The following EXOC6B variants were observed in gnomAD, a reference collection of about 807,000 sequenced individuals.
EXOC6B encodes SEC15 homolog B.
In EXOC6B, 54 loss-of-function variants were observed where a neutral mutation model predicts 113.5. That is an observed-to-expected ratio of 0.48 (90% CI 0.38 to 0.60). The LOEUF (loss-of-function observed/expected upper bound fraction) is 0.60, where lower values mean the gene tolerates loss of function less well. EXOC6B is among the 20% of genes least tolerant of loss of function. EXOC6B has a pLI of 0.00. For synonymous variants in EXOC6B, 357 were observed against 339.0 expected (o/e 1.05, Z -0.58); for missense variants, 797 against 977.5 (o/e 0.82, Z 2.46).
At chr2:72,464,935 G>T (rs1697944308) in intron 18 of EXOC6B, 1 of 564,348 alleles carries the variant, frequency 1.8e-6, no homozygotes, top group African/African-American at 1.9e-5. Flanking sequence ...AAGATAAGCA[G>T]ACATAATACC....
At chr2:72,545,431 T>C (rs187647118) in intron 8 of EXOC6B, among the ~76,000 whole-genome samples, 14 of 152,298 alleles carry the variant, frequency 9.2e-5, no homozygotes, top group African/African-American at 3.4e-4. Flanking sequence ...TTCCAATTCT[T>C]AACACTAAAT....
intron 20 of EXOC6B, among the ~76,000 whole-genome samples, chr2:72,208,994 A>T (rs1680000313): frequency 6.6e-6 from 1 of 151,934 alleles, no homozygotes; most frequent in Non-Finnish European, 1.5e-5. Context: ...GAAGCTGAGG[A>T]GGGTGGATCA....
At chr2:72,545,925 T>C (rs1414884704) in intron 8 of EXOC6B, among the ~76,000 whole-genome samples, 1 of 152,206 alleles carries the variant, frequency 6.6e-6, no homozygotes, top group Non-Finnish European at 1.5e-5. Context: ...TCAGGAAACA[T>C]ATCACTTAGA....
chr2:72,800,132 T>C (rs1685199036), intron 1 of EXOC6B, among the ~76,000 whole-genome samples: 1 of 152,150 alleles, frequency 6.6e-6, no homozygotes, highest in Non-Finnish European at 1.5e-5. Flanking sequence ...AAAGAATTTA[T>C]GAAATAATCG....
chr2:72,571,597 C>A (rs1334046991), intron 7 of EXOC6B, among the ~76,000 whole-genome samples: 1 of 152,090 alleles, frequency 6.6e-6, no homozygotes, highest in Non-Finnish European at 1.5e-5. Flanking sequence ...CTTCAGCAAT[C>A]ATTAAGAGAC....
At chr2:72,626,312 T>A (rs191090218) in intron 6 of EXOC6B, among the ~76,000 whole-genome samples, 1 of 152,138 alleles carries the variant, frequency 6.6e-6, no homozygotes, top group African/African-American at 2.4e-5. Flanking sequence ...CTCCTAATTG[T>A]ATTTGGAGTT....
At chr2:72,374,053 G>C (rs1691200789) in intron 19 of EXOC6B, among the ~76,000 whole-genome samples, 1 of 152,098 alleles carries the variant, frequency 6.6e-6, no homozygotes, top group Non-Finnish European at 1.5e-5. Context: ...TGCGCCTCCA[G>C]AGTGAGACCC....
intron 20 of EXOC6B, among the ~76,000 whole-genome samples, chr2:72,313,459 G>T (rs949393881): frequency 1.8e-4 from 28 of 151,946 alleles, no homozygotes; most frequent in Non-Finnish European, 2.9e-4. Flanking sequence ...TTTGTGCAGG[G>T]GCCAGTATGC....
intron 1 of EXOC6B, among the ~76,000 whole-genome samples, chr2:72,817,212 C>G (rs1483170853): frequency 1.3e-5 from 2 of 151,898 alleles, no homozygotes; most frequent in African/African-American, 4.8e-5. Flanking sequence ...TATTCTTAAA[C>G]CTGCAAACTT....
chr2:72,725,621 G>T (rs1429962755), intron 5 of EXOC6B, among the ~76,000 whole-genome samples: 2 of 151,990 alleles, frequency 1.3e-5, no homozygotes, highest in Non-Finnish European at 2.9e-5. Flanking sequence ...CAAACTCCTG[G>T]GCTCAAGCAA....
At chr2:72,618,002 C>A (rs1468382463) in intron 6 of EXOC6B, among the ~76,000 whole-genome samples, 2 of 152,106 alleles carry the variant, frequency 1.3e-5, no homozygotes, top group African/African-American at 4.8e-5. Flanking sequence ...GTAAGTTCAT[C>A]TTGACTAAAA....
rs185708690 is a variant in EXOC6B at position 72,419,809 on chromosome 2, G to T, written c.1981-39939C>A. Among the ~76,000 whole-genome samples, 187 of 152,146 alleles carry T rather than the reference G, an allele frequency of 1.2e-3. 1 individual carries two copies. The highest frequency in any genetic ancestry group is 4.3e-3 in the African/African-American group (177 of 41,540). On this transcript the variant is annotated intron_variant, in intron 18 of 21. Coordinates refer to ENST00000272427, the MANE Select transcript of EXOC6B (RefSeq NM_015189.3). ...TAGTTCATCCAATTTTGAGTTTTTT[G>T]AGTTTCTTGCATGTTGATATTCATG...
At chr2:72,236,675 C>G (rs773135625) in intron 20 of EXOC6B, among the ~76,000 whole-genome samples, 26 of 152,254 alleles carry the variant, frequency 1.7e-4, no homozygotes, top group Admixed American at 7.8e-4. Flanking sequence ...TTTTGTGACT[C>G]AGCAGAAGAG....
chr2:72,672,342 G>A (rs574028051), intron 6 of EXOC6B, among the ~76,000 whole-genome samples: 6 of 151,648 alleles, frequency 4.0e-5, no homozygotes, highest in Admixed American at 6.6e-5. Flanking sequence ...AAGAAAAGCC[G>A]GTATATGGCC....
intron 6 of EXOC6B, among the ~76,000 whole-genome samples, chr2:72,677,889 A>G (rs988177212): frequency 1.3e-5 from 2 of 152,218 alleles, no homozygotes; most frequent in South Asian, 2.1e-4. Flanking sequence ...GAAGTTAACT[A>G]CTTCATTATT....
At chr2:72,344,462 T>G (rs544298167) in intron 19 of EXOC6B, among the ~76,000 whole-genome samples, 1 of 152,276 alleles carries the variant, frequency 6.6e-6, no homozygotes, top group Non-Finnish European at 1.5e-5. Flanking sequence ...CTTTTTTTTT[T>G]TGCTTGCATG....
At chr2:72,488,383 A>T (rs938942501) in intron 16 of EXOC6B, among the ~76,000 whole-genome samples, 2 of 152,068 alleles carry the variant, frequency 1.3e-5, no homozygotes, top group Non-Finnish European at 2.9e-5. Flanking sequence ...AGTAGCATGA[A>T]TATAAATATT....
intron 18 of EXOC6B, among the ~76,000 whole-genome samples, chr2:72,383,953 C>T (rs1691840578): frequency 6.6e-6 from 1 of 152,080 alleles, no homozygotes; most frequent in Non-Finnish European, 1.5e-5. Context: ...ATAAAAAGAA[C>T]ACATGGTCAC....
chr2:72,659,364 T>C (rs1674837788), intron 6 of EXOC6B, among the ~76,000 whole-genome samples: 1 of 152,118 alleles, frequency 6.6e-6, no homozygotes, highest in Non-Finnish European at 1.5e-5. Flanking sequence ...CCTAATCTCT[T>C]GCTCTATGTT....
Sources: gnomAD v4.1 joint callset for allele counts (sites outside exome capture counted in the v4.1 genomes callset) on GRCh38, gnomAD v4.1.1 for gene constraint, MANE v1.5 for transcripts, NCBI Gene and HGNC (gene_info 2026-07-23, HGNC 2026-07-21) for gene names.